The following SLC24A3 variants were observed in gnomAD, a reference collection of about 807,000 sequenced individuals.
SLC24A3 encodes the protein sodium/potassium/calcium exchanger 3.
Under a neutral mutation model 75.8 loss-of-function variants are expected in SLC24A3, and 28 were observed. The observed-to-expected ratio is 0.37, with a 90% CI of 0.27 to 0.51. The LOEUF (loss-of-function observed/expected upper bound fraction) is 0.51. Ranked by LOEUF, SLC24A3 falls within the 20% of genes least tolerant of loss-of-function variation. The pLI, the probability that SLC24A3 is intolerant of heterozygous loss-of-function variation, is 0.94. For missense variants in SLC24A3, 663 were observed against 847.8 expected (o/e 0.78, Z 2.71); for synonymous variants, 372 against 334.1 (o/e 1.11, Z -1.24).
chr20:19,370,284 G>A lies in SLC24A3; in HGVS notation c.271+89197G>A, dbSNP rs897279089. On this transcript the variant is annotated intron_variant, in intron 2 of 16. Transcript: ENST00000328041. ...CACATCATTTCCTTCATAGCATTTC[G>A]CATCATGTGGAACATAAATGTTTGT... Among the ~76,000 whole-genome samples the A allele has an allele frequency of 4.6e-5, 7 of 152,114 alleles. No homozygotes were observed. The South Asian group carries it at 6.2e-4, about 14-fold the overall frequency.
chr20:19,234,104 A>G (rs905206156), intron 1 of SLC24A3, among the ~76,000 whole-genome samples: 3 of 152,240 alleles, frequency 2.0e-5, no homozygotes, highest in East Asian at 3.8e-4. Flanking sequence ...GGTTTCACAG[A>G]GCCATTGAGA....
At chr20:19,374,995 T>A (rs549318087) in intron 2 of SLC24A3, among the ~76,000 whole-genome samples, 37 of 152,238 alleles carry the variant, frequency 2.4e-4, no homozygotes, top group African/African-American at 8.9e-4. Flanking sequence ...TTCCCAGAGT[T>A]TCTGCTAGTA....
At chr20:19,714,131 C>T (rs559602767) in intron 15 of SLC24A3, among the ~76,000 whole-genome samples, 5 of 152,230 alleles carry the variant, frequency 3.3e-5, no homozygotes, top group Middle Eastern at 3.4e-3. Flanking sequence ...AGCCAGATGC[C>T]GTGGCTCATG....
intron 2 of SLC24A3, among the ~76,000 whole-genome samples, chr20:19,503,326 G>A (rs1988414851): frequency 6.6e-6 from 1 of 152,146 alleles, no homozygotes; most frequent in Non-Finnish European, 1.5e-5. Context: ...GTGAACAAAT[G>A]AATTACATTT....
intron 2 of SLC24A3, among the ~76,000 whole-genome samples, chr20:19,384,207 C>T (rs190554428): frequency 2.6e-5 from 4 of 152,286 alleles, no homozygotes; most frequent in Admixed American, 2.6e-4. Context: ...CAGCTACTCT[C>T]TTATCAAATT....
intron 1 of SLC24A3, among the ~76,000 whole-genome samples, chr20:19,259,501 C>T (rs1013823397): frequency 6.6e-6 from 1 of 152,108 alleles, no homozygotes; most frequent in African/African-American, 2.4e-5. Flanking sequence ...TGAGTGGCAG[C>T]GACACCTGAA....
At chr20:19,340,998 G>C (rs1177360739) in intron 2 of SLC24A3, among the ~76,000 whole-genome samples, 1 of 152,204 alleles carries the variant, frequency 6.6e-6, no homozygotes, top group Non-Finnish European at 1.5e-5. Context: ...TTCAAGTTCA[G>C]GACTCTTGAT....
chr20:19,630,900 C>T (rs2031925121), intron 6 of SLC24A3, among the ~76,000 whole-genome samples: 1 of 152,206 alleles, frequency 6.6e-6, no homozygotes, highest in African/African-American at 2.4e-5. Flanking sequence ...AATTTAGATG[C>T]TGGCCCTTGA....
At chr20:19,576,626 C>A (rs2031139450) in intron 3 of SLC24A3, among the ~76,000 whole-genome samples, 1 of 152,178 alleles carries the variant, frequency 6.6e-6, no homozygotes, top group South Asian at 2.1e-4. Flanking sequence ...ACTAACACAG[C>A]TTTTGATAGT....
At chr20:19,343,479 T>C (rs759882052) in intron 2 of SLC24A3, among the ~76,000 whole-genome samples, 67 of 152,296 alleles carry the variant, frequency 4.4e-4, no homozygotes, top group Admixed American at 2.9e-3. Context: ...CTTCATAATT[T>C]AGTCTATCGT....
intron 1 of SLC24A3, among the ~76,000 whole-genome samples, chr20:19,277,810 G>A (rs115969872): frequency 0.026 from 3,920 of 152,144 alleles, 185 homozygotes; most frequent in African/African-American, 0.088. Flanking sequence ...TCAGAATTAC[G>A]GAACCATGGA....
At chr20:19,615,787 G>T (rs983447818) in intron 6 of SLC24A3, among the ~76,000 whole-genome samples, 5 of 152,122 alleles carry the variant, frequency 3.3e-5, no homozygotes, top group African/African-American at 1.2e-4. Flanking sequence ...CAGACTCCAG[G>T]TTCTTTGGCC....
At chr20:19,674,619 G>C (rs191412698) in intron 9 of SLC24A3, among the ~76,000 whole-genome samples, 1 of 152,202 alleles carries the variant, frequency 6.6e-6, no homozygotes, top group Non-Finnish European at 1.5e-5. Flanking sequence ...TATTAGAAGC[G>C]AGTCACTAAG....
rs778336294 is a variant in SLC24A3, at chr20:19,721,099, G to C, written c.1894G>C (p.Val632Leu). 6.2e-7 allele frequency: 1 copy of C among 1,614,068 alleles called. No individual in the cohort carries two copies. Among genetic ancestry groups the C allele is most frequent in the African/African-American group, 1.3e-5 (1 of 75,020 alleles). ...LCFSIMTEFNVFTFVNLPMCG... is the reference protein window; with the variant it reads ...LCFSIMTEFNLFTFVNLPMCG... ...CTTCTCCATCATGACTGAGTTCAAC[G>C]TGTTCACCTTTGTGAACCTGCCCAT... Residue 632 changes from valine (V) to leucine (L), a missense_variant, in exon 17 of 17, where the codon GTG (valine) becomes CTG (leucine). This residue lies in a region of SLC24A3 where 510 missense variants were observed against 703.6 expected (regional missense o/e 0.72). Coordinates refer to ENST00000328041, the MANE Select transcript of SLC24A3 (RefSeq NM_020689.4).
chr20:19,236,337 A>T (rs1982167727), intron 1 of SLC24A3, among the ~76,000 whole-genome samples: 1 of 152,226 alleles, frequency 6.6e-6, no homozygotes, highest in Admixed American at 6.5e-5. Context: ...AAGACAGCTC[A>T]GGGGGAAGCC....
intron 6 of SLC24A3, among the ~76,000 whole-genome samples, chr20:19,610,414 A>G (rs1316478738): frequency 1.3e-5 from 2 of 152,170 alleles, no homozygotes; most frequent in African/African-American, 4.8e-5. Flanking sequence ...CCACAGATGC[A>G]CAGCCCCAAG....
chr20:19,355,537 C>G (rs897006300), intron 2 of SLC24A3, among the ~76,000 whole-genome samples: 10 of 152,204 alleles, frequency 6.6e-5, no homozygotes, highest in African/African-American at 9.6e-5. Flanking sequence ...GTGTTAGCCA[C>G]TGACCTGACC....
intron 2 of SLC24A3, among the ~76,000 whole-genome samples, chr20:19,411,168 G>T (rs1290301448): frequency 1.3e-5 from 2 of 152,162 alleles, no homozygotes; most frequent in African/African-American, 4.8e-5. Context: ...TGAATGGTGT[G>T]ATCTGTGACA....
intron 2 of SLC24A3, among the ~76,000 whole-genome samples, chr20:19,508,289 G>T (rs988419390): frequency 1.3e-5 from 2 of 152,192 alleles, no homozygotes; most frequent in African/African-American, 4.8e-5. Context: ...ATTCCTGAGA[G>T]ACCAATCCCT....
Sources: gnomAD v4.1 joint callset for allele counts (sites outside exome capture counted in the v4.1 genomes callset) on GRCh38, gnomAD v4.1.1 for gene constraint, gnomAD v4.1.1 regional missense constraint, MANE v1.5 for transcripts, NCBI Gene and HGNC (gene_info 2026-07-23, HGNC 2026-07-21) for gene names.